CFAP299: variants seen among roughly 807,000 people sequenced by gnomAD.
CFAP299 encodes cilia- and flagella-associated protein 299.
Under a neutral mutation model 27.0 loss-of-function variants are expected in CFAP299, and 21 were observed. The observed-to-expected ratio is 0.78, with a 90% confidence interval of 0.55 to 1.12. The LOEUF (loss-of-function observed/expected upper bound fraction) is 1.12, where lower values mean the gene tolerates loss of function less well. CFAP299 is among the 50% of genes most tolerant of loss of function. The pLI is 0.00. For missense variants in CFAP299, 310 were observed against 276.6 expected (o/e 1.12, Z -0.86); for synonymous variants, 104 against 98.1 (o/e 1.06, Z -0.36).
intron 4 of CFAP299, among the ~76,000 whole-genome samples, chr4:80,887,878 T>C (rs1267347869): frequency 6.6e-6 from 1 of 152,074 alleles, no homozygotes; most frequent in East Asian, 1.9e-4. Flanking sequence ...TGCCTGTTTG[T>C]ATATAATCCG....
intron 2 of CFAP299, among the ~76,000 whole-genome samples, chr4:80,465,428 A>G (rs1729654278): frequency 6.6e-6 from 1 of 152,170 alleles, no homozygotes; most frequent in African/African-American, 2.4e-5. Flanking sequence ...ACCTCAGACA[A>G]GAGGGAGAAG....
At chr4:80,801,067 G>A (rs949532300) in intron 3 of CFAP299, among the ~76,000 whole-genome samples, 2 of 151,362 alleles carry the variant, frequency 1.3e-5, no homozygotes, top group African/African-American at 2.4e-5. Context: ...GCCTTTCCCA[G>A]CCCACTGACT....
At chr4:80,454,885 G>A (rs1560574890) in intron 2 of CFAP299, among the ~76,000 whole-genome samples, 1 of 152,142 alleles carries the variant, frequency 6.6e-6, no homozygotes, top group Non-Finnish European at 1.5e-5. Context: ...GAAGTGGGGA[G>A]TGTTGACTGG....
intron 3 of CFAP299, among the ~76,000 whole-genome samples, chr4:80,856,904 T>C (rs1408916011): frequency 6.6e-6 from 1 of 151,876 alleles, no homozygotes; most frequent in South Asian, 2.1e-4. Flanking sequence ...TTTGGTTCCA[T>C]ATGAAGTTTA....
chr4:80,550,008 G>A (rs1734421000), intron 2 of CFAP299, among the ~76,000 whole-genome samples: 1 of 151,674 alleles, frequency 6.6e-6, no homozygotes, highest in Non-Finnish European at 1.5e-5. Flanking sequence ...ATAACATATT[G>A]ACTTTTATAT....
intron 3 of CFAP299, among the ~76,000 whole-genome samples, chr4:80,606,572 G>A (rs1302804181): frequency 2.0e-5 from 3 of 151,976 alleles, no homozygotes; most frequent in Admixed American, 1.3e-4. Flanking sequence ...TACAGTAATA[G>A]GTATATAGAT....
chr4:80,822,901 T>G (rs35824616), intron 3 of CFAP299, among the ~76,000 whole-genome samples: 1 of 152,178 alleles, frequency 6.6e-6, no homozygotes, highest in African/African-American at 2.4e-5. Flanking sequence ...AAATATTTTG[T>G]TTTTGTCTCT....
intron 3 of CFAP299, among the ~76,000 whole-genome samples, chr4:80,741,055 CCA>C (rs1724234759): frequency 6.6e-6 from 1 of 152,134 alleles, no homozygotes; most frequent in Admixed American, 6.5e-5. Flanking sequence ...TGGGTGATAT[CCA>C]AGGTGCAAGA....
At chr4:80,844,008 G>A (rs1196384661) in intron 3 of CFAP299, among the ~76,000 whole-genome samples, 1 of 151,992 alleles carries the variant, frequency 6.6e-6, no homozygotes, top group African/African-American at 2.4e-5. Flanking sequence ...GCGGTGTTTG[G>A]ATTTTTGTCC....
At chr4:80,860,812 G>T (rs950536025) in intron 3 of CFAP299, among the ~76,000 whole-genome samples, 1 of 152,186 alleles carries the variant, frequency 6.6e-6, no homozygotes, top group African/African-American at 2.4e-5. Flanking sequence ...GTGTCAGTCT[G>T]CCCCTACTGG....
chr4:80,726,378 G>C (rs1198802290), intron 3 of CFAP299, among the ~76,000 whole-genome samples: 1 of 151,976 alleles, frequency 6.6e-6, no homozygotes, highest in Non-Finnish European at 1.5e-5. Context: ...AGTAGTCATT[G>C]ATACTTGTTA....
At chr4:80,863,712 T>C (rs1157022250) in intron 3 of CFAP299, among the ~76,000 whole-genome samples, 1 of 152,194 alleles carries the variant, frequency 6.6e-6, no homozygotes, top group Non-Finnish European at 1.5e-5. Flanking sequence ...ATGAATAGCA[T>C]GTGATTTTTT....
At chr4:80,406,972 A>G (rs1406440131) in intron 2 of CFAP299, among the ~76,000 whole-genome samples, 3 of 152,118 alleles carry the variant, frequency 2.0e-5, no homozygotes, top group Admixed American at 2.0e-4. Context: ...TACCATTTCT[A>G]CATGGTTTTT....
Position 80,594,590 on chromosome 4 carries a change from T to A in CFAP299, c.333+11407T>A, listed in dbSNP as rs544601222. 1.2e-3 allele frequency among the ~76,000 whole-genome samples: 185 copies of A among 152,380 alleles called. 2 individuals carry two copies. The highest frequency in any genetic ancestry group is 4.2e-3 in the African/African-American group (175 of 41,592). ...CTTGCTTTATATGTCATTTTCATTT[T>A]AAAATATCATATACCATTTTATTTT... On this transcript the variant is annotated intron_variant, in intron 3 of 5. Coordinates refer to ENST00000358105, the MANE Select transcript of CFAP299 (RefSeq NM_152770.3).
chr4:80,462,431 A>AAG (rs1156719528), intron 2 of CFAP299, among the ~76,000 whole-genome samples: 1 of 152,124 alleles, frequency 6.6e-6, no homozygotes, highest in Non-Finnish European at 1.5e-5. Context: ...GCTAACGTCA[A>AAG]CAAAGACTTT....
chr4:80,855,408 T>C (rs922465973), intron 3 of CFAP299, among the ~76,000 whole-genome samples: 6 of 151,932 alleles, frequency 3.9e-5, no homozygotes, highest in African/African-American at 1.4e-4. Flanking sequence ...ATTTATTTAT[T>C]TATTTTTATT....
intron 4 of CFAP299, among the ~76,000 whole-genome samples, chr4:80,940,590 G>A (rs534262861): frequency 3.3e-5 from 5 of 152,204 alleles, no homozygotes; most frequent in South Asian, 2.1e-4. Flanking sequence ...TGTTAAAATC[G>A]CTGTTGCTGT....
intron 3 of CFAP299, among the ~76,000 whole-genome samples, chr4:80,803,649 C>G (rs1728722233): frequency 6.6e-6 from 1 of 150,658 alleles, no homozygotes; most frequent in Admixed American, 6.6e-5. Flanking sequence ...TAACCATATT[C>G]AAAAAGAAGA....
intron 2 of CFAP299, among the ~76,000 whole-genome samples, chr4:80,429,969 C>T (rs931967103): frequency 6.6e-6 from 1 of 151,876 alleles, no homozygotes; most frequent in African/African-American, 2.4e-5. Context: ...TTTATGTATA[C>T]CATCACTCAC....
Sources: gnomAD v4.1 joint callset for allele counts (sites outside exome capture counted in the v4.1 genomes callset) on GRCh38, gnomAD v4.1.1 for gene constraint, MANE v1.5 for transcripts, NCBI Gene and HGNC (gene_info 2026-07-23, HGNC 2026-07-21) for gene names.